The following PCMTD1 variants were observed in gnomAD, a reference collection of about 807,000 sequenced individuals.
PCMTD1 encodes the protein protein-L-isoaspartate (D-aspartate) O-methyltransferase domain containing 1, also known as protein-L-isoaspartate O-methyltransferase domain-containing protein 1.
Under a neutral mutation model 37.6 loss-of-function variants are expected in PCMTD1, and 12 were observed. The ratio of observed to expected loss-of-function variants is 0.32; its 90% confidence interval spans 0.20 to 0.52. PCMTD1 has a LOEUF of 0.52. PCMTD1 is among the 20% of genes least tolerant of loss of function. PCMTD1 has a pLI of 0.97. For missense variants in PCMTD1, 235 were observed against 421.3 expected (o/e 0.56, Z 3.87); for synonymous variants, 117 against 135.8 (o/e 0.86, Z 0.96).
At chr8:51,880,958 AACC>A (rs2038782511) in intron 1 of PCMTD1, among the ~76,000 whole-genome samples, 1 of 152,230 alleles carries the variant, frequency 6.6e-6, no homozygotes, top group Admixed American at 6.5e-5. Context: ...ATAGTCTTCC[AACC>A]ATTTGAAAGT....
chr8:51,893,551 TTA>T (rs1464307833), intron 1 of PCMTD1, among the ~76,000 whole-genome samples: 1 of 152,310 alleles, frequency 6.6e-6, no homozygotes, highest in Non-Finnish European at 1.5e-5. Context: ...ATCAGAGAGT[TTA>T]TGAGAATATT....
intron 2 of PCMTD1, among the ~76,000 whole-genome samples, chr8:51,848,359 G>A (rs1185649692): frequency 6.6e-6 from 1 of 151,854 alleles, no homozygotes; most frequent in East Asian, 1.9e-4. Flanking sequence ...AGAAAAACCA[G>A]GGCTGCATAG....
intron 3 of PCMTD1, among the ~76,000 whole-genome samples, chr8:51,843,492 T>C (rs1041587782): frequency 1.3e-5 from 2 of 152,054 alleles, no homozygotes; most frequent in African/African-American, 4.8e-5. Context: ...GTCATATCAC[T>C]GTATTTTACG....
At chr8:51,891,802 G>T (rs2038940794) in intron 1 of PCMTD1, among the ~76,000 whole-genome samples, 1 of 151,626 alleles carries the variant, frequency 6.6e-6, no homozygotes, top group South Asian at 2.1e-4. Flanking sequence ...AATTAACAGT[G>T]TGTATTTACA....
At chr8:51,864,690 A>G (rs557524985) in intron 1 of PCMTD1, among the ~76,000 whole-genome samples, 1 of 152,316 alleles carries the variant, frequency 6.6e-6, no homozygotes, top group South Asian at 2.1e-4. Flanking sequence ...ATAACATACC[A>G]TAACTTATGA....
intron 1 of PCMTD1, among the ~76,000 whole-genome samples, chr8:51,862,675 C>T (rs2038490966): frequency 6.6e-6 from 1 of 152,132 alleles, no homozygotes; most frequent in African/African-American, 2.4e-5. Context: ...TCAAGTATCC[C>T]CAGGGTCCTC....
intron 2 of PCMTD1, among the ~76,000 whole-genome samples, chr8:51,855,227 GAA>G (rs61373320): frequency 0.51 from 66,151 of 128,864 alleles, 19,614 homozygotes; most frequent in Non-Finnish European, 0.67. Flanking sequence ...TTCCTAAAAA[GAA>G]AAAAAAAAAA....
At chr8:51,827,909 G>T (rs1282169682) in intron 5 of PCMTD1, among the ~76,000 whole-genome samples, 1 of 152,058 alleles carries the variant, frequency 6.6e-6, no homozygotes, top group African/African-American at 2.4e-5. Context: ...ACCAATGGCA[G>T]TCTTACCAGC....
chr8:51,873,907 T>C (rs2038675462), intron 1 of PCMTD1, among the ~76,000 whole-genome samples: 1 of 151,204 alleles, frequency 6.6e-6, no homozygotes, highest in Non-Finnish European at 1.5e-5. Flanking sequence ...CTTTTTTTTT[T>C]CTTTTTCTTT....
chr8:51,870,882 G>A (rs898212084), intron 1 of PCMTD1, among the ~76,000 whole-genome samples: 2 of 152,094 alleles, frequency 1.3e-5, no homozygotes, highest in Non-Finnish European at 2.9e-5. Context: ...GCAGGGGGCG[G>A]GCCGGGGTGA....
chr8:51,835,096 C>G (rs914041335), intron 3 of PCMTD1, among the ~76,000 whole-genome samples: 4 of 152,158 alleles, frequency 2.6e-5, no homozygotes, highest in Non-Finnish European at 5.9e-5. Context: ...AGACTCCTTT[C>G]CTGTCTCTGC....
At chr8:51,892,474 C>T (rs884580) in intron 1 of PCMTD1, among the ~76,000 whole-genome samples, 104,468 of 152,134 alleles carry the variant, frequency 0.69, 42,357 homozygotes, top group Non-Finnish European at 0.9. Flanking sequence ...TTCACTTACA[C>T]ACTAATCATC....
chr8:51,899,138 A>C (rs1336187927), upstream of PCMTD1: 6 of 1,367,440 alleles, frequency 4.4e-6, no homozygotes, highest in South Asian at 3.2e-5. Context: ...GCACAGGGGC[A>C]GCTCCCCGCG....
intron 2 of PCMTD1, among the ~76,000 whole-genome samples, chr8:51,848,535 G>C (rs1481023750): frequency 6.6e-6 from 1 of 152,104 alleles, no homozygotes; most frequent in Non-Finnish European, 1.5e-5. Flanking sequence ...AAAGTTCTAG[G>C]CTCTCAGTTA....
intron 1 of PCMTD1, among the ~76,000 whole-genome samples, chr8:51,894,177 A>G (rs1460890952): frequency 2.1e-5 from 3 of 146,296 alleles, no homozygotes; most frequent in Non-Finnish European, 4.4e-5. Context: ...GATGGGAGAA[A>G]GAAAAAAATT....
At chr8:51,869,935 A>G (rs570498226) in intron 1 of PCMTD1, among the ~76,000 whole-genome samples, 2 of 152,330 alleles carry the variant, frequency 1.3e-5, no homozygotes, top group South Asian at 2.1e-4. Flanking sequence ...GTTTCTTGCT[A>G]TTATTCCAAA....
At chr8:51,830,435 C>T (rs1182523190) in intron 5 of PCMTD1, among the ~76,000 whole-genome samples, 2 of 152,210 alleles carry the variant, frequency 1.3e-5, no homozygotes, top group Non-Finnish European at 2.9e-5. Flanking sequence ...TTCCAGTCTT[C>T]CTGGCAACAG....
chr8:51,843,415 T>C (rs1463929895), intron 3 of PCMTD1, among the ~76,000 whole-genome samples: 1 of 152,082 alleles, frequency 6.6e-6, no homozygotes, highest in Admixed American at 6.5e-5. Context: ...TAACAAACAC[T>C]TTAGAAACAA....
In PCMTD1 at chr8:51,820,423, C is replaced by T; in HGVS notation, c.1002G>A (p.Leu334=). Residue 334 remains leucine, a synonymous_variant, in exon 6 of 6, where the codon CTG becomes CTA. Coordinates refer to ENST00000522514, the MANE Select transcript of PCMTD1 (RefSeq NM_052937.4). ...GGGGCAGCTTCATGATTTTTTCTCT[C>T]AGTAAATTTTGAGGTGGCTCCTCTG... ...MKPEEPPQNL[L]REKIMKLPLP... 6.2e-7 allele frequency: 1 copy of T among 1,611,746 alleles called. No homozygotes were observed. Among genetic ancestry groups the T allele is most frequent in the Non-Finnish European group, 8.5e-7 (1 of 1,179,262 alleles).
Sources: allele counts gnomAD v4.1 joint callset (sites outside exome capture counted in the v4.1 genomes callset), GRCh38; gene constraint gnomAD v4.1.1; transcripts MANE v1.5; gene names NCBI Gene and HGNC (gene_info 2026-07-23, HGNC 2026-07-21).